Variants in KCNMB2 observed in about 807,000 individuals in gnomAD.
KCNMB2 encodes potassium calcium-activated channel subfamily M regulatory beta subunit 2, also known as calcium-activated potassium channel subunit beta-2.
Under a neutral mutation model 24.5 loss-of-function variants are expected in KCNMB2, and 9 were observed. That is an observed-to-expected ratio of 0.37 (90% CI 0.22 to 0.64). KCNMB2 has a LOEUF of 0.64. Among genes scored for constraint, KCNMB2 ranks in the 30% least tolerant of loss-of-function variants. The pLI is 0.63. For synonymous variants in KCNMB2, 109 were observed against 104.4 expected (o/e 1.04, Z -0.27); for missense variants, 226 against 284.3 (o/e 0.79, Z 1.47).
chr3:178,545,537 A>G (rs1260845392), intron 1 of KCNMB2, among the ~76,000 whole-genome samples: 1 of 152,248 alleles, frequency 6.6e-6, no homozygotes, highest in African/African-American at 2.4e-5. Flanking sequence ...CATCAGATGC[A>G]GAGAATCATT....
chr3:178,780,708 T>G (rs80088035), intron 1 of KCNMB2, among the ~76,000 whole-genome samples: 1 of 152,040 alleles, frequency 6.6e-6, no homozygotes. Flanking sequence ...ACTTGAAAAT[T>G]TGCATGACCT....
At chr3:178,555,765 T>C (rs754805643) in intron 1 of KCNMB2, among the ~76,000 whole-genome samples, 5 of 152,200 alleles carry the variant, frequency 3.3e-5, no homozygotes, top group Non-Finnish European at 7.3e-5. Flanking sequence ...ATCTCTGACA[T>C]TGAGGGTCTA....
chr3:178,714,732 G>A (rs1722563752), intron 1 of KCNMB2, among the ~76,000 whole-genome samples: 1 of 152,220 alleles, frequency 6.6e-6, no homozygotes, highest in Non-Finnish European at 1.5e-5. Flanking sequence ...CTTCTAAACA[G>A]TAGTGAGCAG....
At chr3:178,623,110 A>T (rs926334541) in intron 1 of KCNMB2, among the ~76,000 whole-genome samples, 47 of 152,350 alleles carry the variant, frequency 3.1e-4, no homozygotes, top group Non-Finnish European at 5.4e-4. Flanking sequence ...ACACAAAAAA[A>T]TGATTAAAGC....
At chr3:178,707,513 A>G (rs1722317238) in intron 1 of KCNMB2, among the ~76,000 whole-genome samples, 1 of 152,134 alleles carries the variant, frequency 6.6e-6, no homozygotes, top group African/African-American at 2.4e-5. Context: ...CGCAGTAAAG[A>G]TGATCAGGAT....
intron 1 of KCNMB2, among the ~76,000 whole-genome samples, chr3:178,725,934 G>T (rs534236256): frequency 6.6e-6 from 1 of 151,242 alleles, no homozygotes; most frequent in Non-Finnish European, 1.5e-5. Context: ...TAGATCATTT[G>T]CTTTTAATAT....
rs367901196 is a variant in KCNMB2, at chr3:178,842,639, C to T, written c.424-14C>T. 1.3e-6 allele frequency: 2 copies of T among 1,559,810 alleles called. No individual in the cohort carries two copies. The highest frequency in any genetic ancestry group is 1.7e-5 in the Admixed American group (1 of 59,020). Reference sequence around the variant, plus strand: ...ATAGTATCTTCTAGTAACAGTTTATCTTATTCTCCACAGTGCTCCTATATA... The same window carrying T: ...ATAGTATCTTCTAGTAACAGTTTATTTTATTCTCCACAGTGCTCCTATATA... On this transcript the variant is annotated splice_polypyrimidine_tract_variant and intron_variant, in intron 4 of 4. Transcript: ENST00000452583.
chr3:178,749,831 A>G (rs12495955), intron 1 of KCNMB2, among the ~76,000 whole-genome samples: 51,099 of 152,076 alleles, frequency 0.34, 9,854 homozygotes, highest in African/African-American at 0.54. Context: ...AAATAGATGT[A>G]TGAATACAGA....
At position 178,828,315 on chromosome 3, in the gene KCNMB2, C is replaced by T. The variant is rs1284950440; in HGVS notation, c.365C>T (p.Ser122Phe). The T allele has an allele frequency of 1.2e-6, 2 of 1,614,072 alleles. No homozygotes were observed. Among genetic ancestry groups the T allele is most frequent in the Non-Finnish European group, 8.5e-7 (1 of 1,179,934 alleles). The change falls in exon 4 of 5, where the codon TCT becomes TTT. Residue 122 changes from serine (S) to phenylalanine (F), a missense_variant. Coordinates refer to ENST00000452583, the MANE Select transcript of KCNMB2 (RefSeq NM_181361.3). ...CTCCAGGTGTACGTTAACCTGACTT[C>T]TTCCGGGGAAAAGCTCCTCCTCTAC... ...PCLQVYVNLT[S>F]SGEKLLLYHT...
chr3:178,673,069 C>T (rs1720958759), intron 1 of KCNMB2, among the ~76,000 whole-genome samples: 1 of 152,102 alleles, frequency 6.6e-6, no homozygotes, highest in Admixed American at 6.6e-5. Context: ...TTTTCCTTCT[C>T]TCTTACCCAG....
chr3:178,727,775 T>A (rs149048457), intron 1 of KCNMB2, among the ~76,000 whole-genome samples: 8 of 152,328 alleles, frequency 5.3e-5, no homozygotes, highest in African/African-American at 1.9e-4. Context: ...ATGAGACTTG[T>A]GTCAGAATTC....
intron 1 of KCNMB2, chr3:178,801,992 A>G (rs928335516): frequency 5.9e-5 from 9 of 152,208 alleles, no homozygotes; most frequent in Non-Finnish European, 1.3e-4. Flanking sequence ...AAAACAAAGT[A>G]AAGTATGTAG....
chr3:178,823,453 G>A lies in KCNMB2; in HGVS notation c.57-2135G>A, dbSNP rs1714713541. On this transcript the variant is annotated intron_variant, in intron 2 of 4. Transcript: ENST00000452583. Reference sequence around the variant, plus strand: ...TAGCTCTGACTCTCCTACTACAATGGGCTCACTTCTCAAGGAAAGAGTAAG... The same window carrying A: ...TAGCTCTGACTCTCCTACTACAATGAGCTCACTTCTCAAGGAAAGAGTAAG... 3.3e-5 allele frequency among the ~76,000 whole-genome samples: 5 copies of A among 152,204 alleles called. No individual in the cohort carries two copies. In the South Asian group the frequency reaches 1.0e-3, roughly 32 times the overall value.
chr3:178,720,285 C>T (rs1722755861), intron 1 of KCNMB2, among the ~76,000 whole-genome samples: 1 of 149,782 alleles, frequency 6.7e-6, no homozygotes, highest in Non-Finnish European at 1.5e-5. Flanking sequence ...CCAATTTCAT[C>T]CATGTCCCTA....
At chr3:178,826,279 G>A (rs1342749553) in intron 3 of KCNMB2, among the ~76,000 whole-genome samples, 1 of 151,994 alleles carries the variant, frequency 6.6e-6, no homozygotes, top group Non-Finnish European at 1.5e-5. Flanking sequence ...CTAATACCCA[G>A]CCCCCATCAT....
chr3:178,605,174 A>C (rs2108511085), intron 1 of KCNMB2, among the ~76,000 whole-genome samples: 1 of 152,278 alleles, frequency 6.6e-6, no homozygotes, highest in South Asian at 2.1e-4. Context: ...GGTTGTGAGG[A>C]CCAAGACCTC....
At chr3:178,749,067 G>A (rs1723759507) in intron 1 of KCNMB2, 1 of 152,132 alleles carries the variant, frequency 6.6e-6, no homozygotes, top group Non-Finnish European at 1.5e-5. Flanking sequence ...GAGGCAGCGT[G>A]GTTTAGTGGT....
chr3:178,645,631 T>C (rs1311039704), intron 1 of KCNMB2, among the ~76,000 whole-genome samples: 3 of 152,126 alleles, frequency 2.0e-5, no homozygotes, highest in African/African-American at 7.2e-5. Flanking sequence ...TATCTATTCA[T>C]TCACTGGTTA....
At chr3:178,552,687 A>T (rs2108456299) in intron 1 of KCNMB2, among the ~76,000 whole-genome samples, 1 of 152,290 alleles carries the variant, frequency 6.6e-6, no homozygotes, top group African/African-American at 2.4e-5. Context: ...AACTGTTTTA[A>T]CTCAAGCAAA....
Sources: gnomAD v4.1 joint callset for allele counts (sites outside exome capture counted in the v4.1 genomes callset) on GRCh38, gnomAD v4.1.1 for gene constraint, MANE v1.5 for transcripts, NCBI Gene and HGNC (gene_info 2026-07-23, HGNC 2026-07-21) for gene names.